Variants in SPON2 observed in about 807,000 individuals in gnomAD.
SPON2 encodes spondin-2.
Under a neutral mutation model 29.9 loss-of-function variants are expected in SPON2, and 32 were observed. That is an observed-to-expected ratio of 1.07 (90% CI 0.81 to 1.44). The LOEUF (loss-of-function observed/expected upper bound fraction) is 1.44. SPON2 is among the 40% of genes most tolerant of loss of function. SPON2 has a pLI of 0.00. For synonymous variants in SPON2, 248 were observed against 209.1 expected (o/e 1.19, Z -1.61); for missense variants, 541 against 455.5 (o/e 1.19, Z -1.71).
upstream of SPON2, among the ~76,000 whole-genome samples, chr4:1,197,362 G>C (rs925760067): frequency 1.3e-5 from 2 of 152,110 alleles, no homozygotes; most frequent in East Asian, 3.8e-4. Context: ...ATAAATAACG[G>C]AAAGTGCCAC....
At chr4:1,205,638 G>A (rs973485889) in intron 1 of SPON2, among the ~76,000 whole-genome samples, 6 of 152,234 alleles carry the variant, frequency 3.9e-5, no homozygotes, top group Non-Finnish European at 1.5e-5. Flanking sequence ...GCCTACGGCA[G>A]CCTTGGGAAG....
intron 2 of SPON2, 77 bp downstream of exon 2, chr4:1,171,775 G>A: frequency 1.9e-6 from 2 of 1,025,984 alleles, no homozygotes; most frequent in Non-Finnish European, 3.1e-6. Context: ...GGGAAGCGCC[G>A]CCGTGCAGCT....
intron 1 of SPON2, among the ~76,000 whole-genome samples, chr4:1,189,755 G>A (rs1727874222): frequency 6.6e-6 from 1 of 151,826 alleles, no homozygotes; most frequent in Non-Finnish European, 1.5e-5. Flanking sequence ...TTGGGAGGCT[G>A]AGGCGGGCGG....
At chr4:1,195,515 G>A (rs1187613155), upstream of SPON2, among the ~76,000 whole-genome samples, 6 of 147,640 alleles carry the variant, frequency 4.1e-5, no homozygotes, top group Non-Finnish European at 1.5e-5. Flanking sequence ...GGCACAGCTC[G>A]AGGTTGGGCG....
rs1324175711 is a variant in SPON2, at chr4:1,171,017, C to A, written c.618G>T (p.Pro206=). The A allele has an allele frequency of 1.3e-6, 2 of 1,548,538 alleles. No individual in the cohort carries two copies. The highest frequency in any genetic ancestry group is 1.2e-5 in the South Asian group (1 of 83,884). Residue 206 remains proline, a synonymous_variant, in exon 4 of 6, where the codon CCG becomes CCT. Coordinates refer to ENST00000290902, the MANE Select transcript of SPON2 (RefSeq NM_012445.4). The stretch of plus-strand genomic sequence containing the variant: ...CACTCACCTCGGTCACCGTGTCCTG[C>A]GGGATGGTGGCGAAGTTGGGGGAGG... ...TFSSPNFATI[P]QDTVTEITSS... is the part of the protein sequence containing the mutation.
chr4:1,201,846 G>A (rs1198110674), intron 1 of SPON2, among the ~76,000 whole-genome samples: 1 of 152,138 alleles, frequency 6.6e-6, no homozygotes, highest in Non-Finnish European at 1.5e-5. Context: ...GCCTCCCAAA[G>A]TGCTGGGATT....
intron 1 of SPON2, chr4:1,200,662 C>T (rs1173239286): frequency 2.7e-6 from 1 of 369,168 alleles, no homozygotes; most frequent in South Asian, 2.0e-5. Flanking sequence ...AGCTGGGCAG[C>T]CACTGCAGGC....
At chr4:1,201,731 G>A (rs745880922) in intron 1 of SPON2, among the ~76,000 whole-genome samples, 3 of 151,942 alleles carry the variant, frequency 2.0e-5, no homozygotes, top group Non-Finnish European at 2.9e-5. Flanking sequence ...TACAGGCGCC[G>A]GTTGCCACGC....
chr4:1,170,140 T>C (rs1474600965), intron 5 of SPON2: 8 of 431,052 alleles, frequency 1.9e-5, no homozygotes. Context: ...GGACAGAGTC[T>C]CTCAGGTACT....
chr4:1,167,445 G>A lies in SPON2; in HGVS notation c.*27C>T. 3 of 1,598,852 alleles carry A rather than the reference G, an allele frequency of 1.9e-6. No homozygotes were observed. The highest frequency in any genetic ancestry group is 2.6e-6 in the Non-Finnish European group (3 of 1,171,266). On this transcript the variant is annotated 3_prime_UTR_variant, in exon 6 of 6. Coordinates refer to ENST00000290902, the MANE Select transcript of SPON2 (RefSeq NM_012445.4). ...CCCCCGACACCCCATGGCTCCGGGG[G>A]GCCCCAGGGGCTGCGGGGCTCTGGT...
Position 1,201,107 on chromosome 4 carries a change from A to G in SPON2, c.-234+6773T>C, listed in dbSNP as rs751660616. ...GCGCCCATGGATGCACCCTGCCCAC[A>G]TGGCCCTCTGCGGTCACCCACAGCC... On this transcript the variant is annotated intron_variant, in intron 1 of 3. Coordinates refer to the SPON2 transcript ENST00000509233. The G allele has an allele frequency of 8.8e-6, 4 of 455,300 alleles. 1 individual carries two copies. Among genetic ancestry groups the G allele is most frequent in the South Asian group, 4.7e-5 (3 of 64,506 alleles). 28.2% of individuals were successfully genotyped at this position (455,300 alleles called of 1,614,324 possible). A position where few individuals can be genotyped will look rare whatever the true frequency, so the allele number is the denominator to read the frequency against.
chr4:1,171,697 C>G, intron 2 of SPON2, 155 bp downstream of exon 2: 1 of 772,686 alleles, frequency 1.3e-6, no homozygotes, highest in South Asian at 1.7e-5. Context: ...ATCCCCGGAA[C>G]CGCACACCGC....
At chr4:1,170,134 A>G (rs184358446) in intron 5 of SPON2, 8 of 416,174 alleles carry the variant, frequency 1.9e-5, no homozygotes, top group South Asian at 1.1e-4. Flanking sequence ...CTGACAGGAC[A>G]GAGTCTCTCA....
upstream of SPON2, among the ~76,000 whole-genome samples, chr4:1,196,000 A>G (rs950500748): frequency 9.2e-5 from 14 of 152,006 alleles, no homozygotes; most frequent in African/African-American, 3.4e-4. Context: ...TGTGGCTTAC[A>G]TGAGAATAGA....
intron 1 of SPON2, chr4:1,201,251 G>A (rs979903522): frequency 7.5e-6 from 3 of 397,378 alleles, no homozygotes; most frequent in South Asian, 1.8e-5. Flanking sequence ...CCATGCTGGG[G>A]CCCCATGCCC....
intron 5 of SPON2, among the ~76,000 whole-genome samples, chr4:1,168,640 G>T (rs1197733452): frequency 2.0e-5 from 3 of 152,234 alleles, no homozygotes; most frequent in African/African-American, 7.2e-5. Context: ...ACACAGAGCT[G>T]CTGGCAGATC....
intron 1 of SPON2, among the ~76,000 whole-genome samples, chr4:1,187,058 G>T (rs2108662377): frequency 6.6e-6 from 1 of 152,302 alleles, no homozygotes; most frequent in South Asian, 2.1e-4. Flanking sequence ...TCAGGGTCTT[G>T]AAAATATATT....
intron 1 of SPON2, among the ~76,000 whole-genome samples, chr4:1,184,762 T>A (rs1163982678): frequency 6.6e-6 from 1 of 151,720 alleles, no homozygotes; most frequent in Non-Finnish European, 1.5e-5. Flanking sequence ...GTGAAACCCG[T>A]CTCTACTAAA....
chr4:1,206,044 AC>A (rs1728334086), intron 1 of SPON2, among the ~76,000 whole-genome samples: 1 of 151,820 alleles, frequency 6.6e-6, no homozygotes, highest in African/African-American at 2.4e-5. Flanking sequence ...GGAGGAGGCC[AC>A]GCCCAGCATT....
Sources: gnomAD v4.1 joint callset for allele counts (sites outside exome capture counted in the v4.1 genomes callset) on GRCh38, gnomAD v4.1.1 for gene constraint, MANE v1.5 for transcripts, NCBI Gene and HGNC (gene_info 2026-07-23, HGNC 2026-07-21) for gene names.